CAST: variants seen among roughly 807,000 people sequenced by gnomAD.
CAST encodes MIR583 host.
CAST carries 76 observed loss-of-function variants against 119.6 expected under a neutral mutation model. The ratio of observed to expected loss-of-function variants is 0.64; its 90% CI spans 0.53 to 0.77. The LOEUF is 0.77. Ranked by LOEUF, CAST falls within the 30% of genes least tolerant of loss-of-function variation. The pLI, the probability that CAST is intolerant of heterozygous loss-of-function variation, is 0.00. For missense variants in CAST, 953 were observed against 946.5 expected, an observed-to-expected ratio of 1.01 and a Z score of -0.09; for synonymous variants, 319 against 331.6, an observed-to-expected ratio of 0.96 and a Z score of 0.41.
intron 2 of CAST, among the ~76,000 whole-genome samples, chr5:96,680,373 AAAAAAAG>A (rs1439751309): frequency 3.2e-5 from 4 of 125,398 alleles, no homozygotes; most frequent in African/African-American, 1.3e-4. Flanking sequence ...AAAAAAAAAA[AAAAAAAG>A]AAGAAGAAGA....
chr5:96,063,342 T>G, the CAST span, among the ~76,000 whole-genome samples: 47 of 152,198 alleles, frequency 3.1e-4, no homozygotes, highest in African/African-American at 1.1e-3. Context: ...AAAGTCTCAA[T>G]CCCTTGAGAC....
chr5:96,067,650 T>G, the CAST span, among the ~76,000 whole-genome samples: 3 of 152,178 alleles, frequency 2.0e-5, no homozygotes, highest in Non-Finnish European at 4.4e-5. Context: ...AATACAAAAT[T>G]AGCAGTAATA....
chr5:96,109,438 A>T, the CAST span, among the ~76,000 whole-genome samples: 1 of 152,238 alleles, frequency 6.6e-6, no homozygotes, highest in South Asian at 2.1e-4. Context: ...TTTCTTTGTA[A>T]TCTGGAATCT....
At chr5:96,303,226 A>G in the CAST span, among the ~76,000 whole-genome samples, 1 of 152,200 alleles carries the variant, frequency 6.6e-6, no homozygotes, top group Admixed American at 6.5e-5. Context: ...GAACTCACTC[A>G]CTATCGTAAG....
chr5:96,701,769 C>T (rs1426200912), intron 3 of CAST, among the ~76,000 whole-genome samples: 2 of 149,834 alleles, frequency 1.3e-5, no homozygotes, highest in African/African-American at 2.5e-5. Context: ...CACGTGACTG[C>T]ACTCCAGCCT....
the CAST span, among the ~76,000 whole-genome samples, chr5:96,265,036 T>C: frequency 6.6e-6 from 1 of 152,206 alleles, no homozygotes; most frequent in Non-Finnish European, 1.5e-5. Context: ...GTTGGAAATA[T>C]ACCTAAAAAT....
the CAST span, among the ~76,000 whole-genome samples, chr5:96,138,313 C>A: frequency 1.3e-5 from 2 of 151,724 alleles, no homozygotes; most frequent in African/African-American, 2.4e-5. Context: ...TTATGTAGGT[C>A]TATTTCTGTA....
the CAST span, among the ~76,000 whole-genome samples, chr5:96,477,111 CAA>C: frequency 7.8e-6 from 1 of 128,482 alleles, no homozygotes; most frequent in African/African-American, 2.9e-5. Flanking sequence ...CACACACACA[CAA>C]ATTATCACAG....
chr5:96,150,382 G>A, the CAST span, among the ~76,000 whole-genome samples: 1 of 152,188 alleles, frequency 6.6e-6, no homozygotes, highest in African/African-American at 2.4e-5. Context: ...GGGATTTCTT[G>A]AGGAGAGTTG....
At chr5:96,639,142 T>A (rs1747920655) in intron 1 of CAST, among the ~76,000 whole-genome samples, 1 of 152,242 alleles carries the variant, frequency 6.6e-6, no homozygotes, top group East Asian at 1.9e-4. Flanking sequence ...CCCGTTCATC[T>A]GAAAAAGATG....
intron 16 of CAST, chr5:96,743,534 T>C: frequency 6.7e-7 from 1 of 1,497,450 alleles, no homozygotes; most frequent in Non-Finnish European, 8.9e-7. Context: ...ATGCCCCATC[T>C]CTGCTGTCAC....
At chr5:96,358,542 A>T in the CAST span, among the ~76,000 whole-genome samples, 7 of 152,066 alleles carry the variant, frequency 4.6e-5, no homozygotes, top group African/African-American at 9.7e-5. Context: ...TTTTGTTCTC[A>T]TTGGTTTCAA....
chr5:96,259,399 A>T, the CAST span, among the ~76,000 whole-genome samples: 1 of 152,230 alleles, frequency 6.6e-6, no homozygotes, highest in Non-Finnish European at 1.5e-5. Flanking sequence ...TTAGATCTGA[A>T]TGTGAATTTA....
intron 1 of CAST, among the ~76,000 whole-genome samples, chr5:96,565,256 G>A (rs1381126544): frequency 6.6e-6 from 1 of 151,910 alleles, no homozygotes; most frequent in Non-Finnish European, 1.5e-5. Flanking sequence ...ATCATATAGA[G>A]AGGATTTTAA....
At chr5:96,131,079 T>C in the CAST span, among the ~76,000 whole-genome samples, 1 of 152,076 alleles carries the variant, frequency 6.6e-6, no homozygotes, top group Non-Finnish European at 1.5e-5. Flanking sequence ...ATTGTTACAT[T>C]GTAATGTTGT....
At chr5:96,555,864 T>C (rs926516256) in intron 1 of CAST, among the ~76,000 whole-genome samples, 1 of 151,368 alleles carries the variant, frequency 6.6e-6, no homozygotes, top group Non-Finnish European at 1.5e-5. Flanking sequence ...GTCTGACAGC[T>C]TTGAAGAGAG....
chr5:96,016,573 C>T, the CAST span, among the ~76,000 whole-genome samples: 19 of 152,286 alleles, frequency 1.2e-4, no homozygotes, highest in Non-Finnish European at 2.4e-4. Context: ...TACCTGCACA[C>T]GGCATATGTC....
chr5:96,237,406 C>T, the CAST span, among the ~76,000 whole-genome samples: 1 of 152,062 alleles, frequency 6.6e-6, no homozygotes, highest in Admixed American at 6.6e-5. Context: ...CTGTGTTCTA[C>T]TTTTGTCTGA....
chr5:96,138,652 A>G, the CAST span, among the ~76,000 whole-genome samples: 1 of 151,934 alleles, frequency 6.6e-6, no homozygotes, highest in African/African-American at 2.4e-5. Context: ...TTTCATCAGA[A>G]TTTCATATTT....
Sources: gnomAD v4.1 joint callset for allele counts (sites outside exome capture counted in the v4.1 genomes callset) on GRCh38, gnomAD v4.1.1 for gene constraint, MANE v1.5 for transcripts, NCBI Gene and HGNC (gene_info 2026-07-23, HGNC 2026-07-21) for gene names.